The following INTS3 variants were observed in gnomAD, a reference collection of about 807,000 sequenced individuals.
INTS3 encodes SOSS complex subunit A.
INTS3 carries 34 observed loss-of-function variants against 146.3 expected under a neutral mutation model. That is an observed-to-expected ratio of 0.23 (90% CI 0.18 to 0.31). The LOEUF is 0.31. INTS3 is among the 10% of genes least tolerant of loss of function. The probability of loss-of-function intolerance (pLI) is 1.00; values close to 1 mark genes in which losing one functional copy is unlikely to be tolerated. For missense variants in INTS3, 757 were observed against 1,304.2 expected (o/e 0.58, Z 6.46); for synonymous variants, 475 against 494.9 (o/e 0.96, Z 0.53).
In INTS3 at chr1:153,746,891, C is replaced by T. The variant is rs1260939075; in HGVS notation, c.319-66C>T. The T allele has an allele frequency of 4.5e-6, 4 of 898,008 alleles. No individual in the cohort carries two copies. The Admixed American group carries it at 5.7e-5, about 13-fold the overall frequency. The allele number at this position is 898,008 out of a possible 1,614,324, so 55.6% of individuals were successfully genotyped here. ...TTAAGGGATTAGAGGGCAAGGGGTC[C>T]ACTGTGGGTGGGGTGAGGACCTTAT... On this transcript the variant is annotated intron_variant, in intron 3 of 29. Transcript: ENST00000318967.
chr1:153,770,663 A>G (rs990489441), intron 24 of INTS3, 22 bp from the exon 25 acceptor site: 5 of 1,608,524 alleles, frequency 3.1e-6, no homozygotes, highest in Non-Finnish European at 4.3e-6. Flanking sequence ...CCCCCTGAAC[A>G]GCCTCTGCCC....
chr1:153,760,197 C>T, intron 11 of INTS3, 114 bp from the exon 12 acceptor site: 3 of 701,038 alleles, frequency 4.3e-6, no homozygotes, highest in Non-Finnish European at 6.9e-6. Flanking sequence ...GTACCATTTG[C>T]ACTCCAGCCT....
At chr1:153,763,081 C>T (rs991295374) in intron 15 of INTS3, 152 bp from the exon 16 acceptor site, 4 of 1,101,170 alleles carry the variant, frequency 3.6e-6, no homozygotes, top group African/African-American at 3.1e-5. Flanking sequence ...AGTACATGTG[C>T]ACAGTCAGGG....
intron 20 of INTS3, among the ~76,000 whole-genome samples, chr1:153,766,105 TTTTC>T (rs1433714731): frequency 7.9e-5 from 12 of 151,178 alleles, no homozygotes; most frequent in African/African-American, 2.7e-4. Flanking sequence ...TGACTTGCTT[TTTTC>T]TTTCTCTTTT....
chr1:153,733,039 C>CGTACACCATGTTAGGCTG (rs1671140962), intron 1 of INTS3, among the ~76,000 whole-genome samples: 1 of 150,936 alleles, frequency 6.6e-6, no homozygotes, highest in Non-Finnish European at 1.5e-5. Context: ...CTCCTGACCT[C>CGTACACCATGTTAGGCTG]GTACACCATG....
At position 153,733,698 on chromosome 1, in the gene INTS3, G is replaced by A. The variant is rs1226197937; in HGVS notation, c.150+4914G>A. Among the ~76,000 whole-genome samples the A allele has an allele frequency of 4.0e-5, 6 of 151,616 alleles. No individual in the cohort carries two copies. The South Asian group carries it at 8.3e-4, about 21-fold the overall frequency. ...CAGCTCCCTGCAACCTTCGCCTCCC[G>A]GGTTCAAGCGATTCTCCTGCCTCAG... On this transcript the variant is annotated intron_variant, in intron 1 of 29. Coordinates refer to ENST00000318967, the MANE Select transcript of INTS3 (RefSeq NM_023015.5).
chr1:153,752,964 C>T (rs990383193), intron 8 of INTS3, among the ~76,000 whole-genome samples: 2 of 151,918 alleles, frequency 1.3e-5, no homozygotes, highest in African/African-American at 4.8e-5. Flanking sequence ...ATGTTCTGAA[C>T]AATAACTGTA....
chr1:153,772,660 T>G lies in INTS3; in HGVS notation c.2843T>G (p.Leu948Arg). 1 of 1,614,190 alleles carries G rather than the reference T, an allele frequency of 6.2e-7. No homozygotes were observed. Among genetic ancestry groups the G allele is most frequent in the Non-Finnish European group, 8.5e-7 (1 of 1,180,026 alleles). ...KQNFFSQTPILQALQHVQASC... is the reference protein window; with the variant it reads ...KQNFFSQTPIRQALQHVQASC... ...CTAGTTTTTAGCCAGACGCCAATTCTCCAGGCGCTGCAGCATGTCCAAGCG... is the reference window on the plus strand; with the variant it reads ...CTAGTTTTTAGCCAGACGCCAATTCGCCAGGCGCTGCAGCATGTCCAAGCG... The change falls in exon 28 of 30, where the codon CTC (leucine) becomes CGC (arginine). Residue 948 changes from leucine (L) to arginine (R), a missense_variant. Leu to Arg is a moderately radical substitution (Grantham distance 102). Transcript: ENST00000318967. This position sits in a 1 kb window ranked among gnomAD's most constrained non-coding sequence, Gnocchi z 4.6.
Position 153,770,251 on chromosome 1 carries a change from C to T in INTS3, c.2443C>T (p.Leu815=). ...GCAGTATTGTGCCTGGCAGCTCTTTCTGGCCCACAATATTCCCCTGGAGAC... is the reference window on the plus strand; with the variant it reads ...GCAGTATTGTGCCTGGCAGCTCTTTTTGGCCCACAATATTCCCCTGGAGAC... ...FEQYCAWQLF[L]AHNIPLETII... The change falls in exon 24 of 30, where the codon CTG becomes TTG. Residue 815 remains leucine (L), a synonymous_variant. Transcript: ENST00000318967. The T allele has an allele frequency of 6.2e-7, 1 of 1,613,748 alleles. No individual in the cohort carries two copies. Among genetic ancestry groups the T allele is most frequent in the Non-Finnish European group, 8.5e-7 (1 of 1,179,816 alleles).
intron 16 of INTS3, 74 bp from the exon 17 acceptor site, chr1:153,763,758 A>C: frequency 7.9e-7 from 1 of 1,266,458 alleles, no homozygotes; most frequent in Non-Finnish European, 1.1e-6. Flanking sequence ...GTGCTTGTGC[A>C]CTGTTCTGGG....
chr1:153,759,226 A>G (rs1672281462), intron 10 of INTS3, among the ~76,000 whole-genome samples: 1 of 151,420 alleles, frequency 6.6e-6, no homozygotes, highest in South Asian at 2.1e-4. Context: ...GTGAGCTGAG[A>G]TCATGCCACT....
At chr1:153,763,622 G>A (rs1173888995) in intron 16 of INTS3, among the ~76,000 whole-genome samples, 1 of 152,198 alleles carries the variant, frequency 6.6e-6, no homozygotes, top group Non-Finnish European at 1.5e-5. Context: ...ACCAAGGCAG[G>A]ATTGGTGGGG....
chr1:153,731,662 T>C (rs1240996869), intron 1 of INTS3, among the ~76,000 whole-genome samples: 7 of 142,324 alleles, frequency 4.9e-5, no homozygotes, highest in Non-Finnish European at 7.5e-5. Flanking sequence ...CTTGGCTCAC[T>C]GCAAGCTCTG....
At position 153,728,056 on chromosome 1, in the gene INTS3, C is replaced by T. The variant is rs1570821272; in HGVS notation, c.-579C>T. On this transcript the variant is annotated 5_prime_UTR_variant, in exon 1 of 30. Coordinates refer to ENST00000318967, the MANE Select transcript of INTS3 (RefSeq NM_023015.5). ...TCCCCCTCCCCCGCCCTCCGCCTTC[C>T]CACCCCCCGCCCTTCCACTATGGCC... 5 of 159,502 alleles carry T rather than the reference C, an allele frequency of 3.1e-5. No homozygotes were observed. The highest frequency in any genetic ancestry group is 3.3e-4 in the East Asian group (2 of 6,032). 9.9% of individuals were successfully genotyped at this position (159,502 alleles called of 1,614,324 possible).
chr1:153,769,054 GC>G, intron 22 of INTS3, 93 bp downstream of exon 22: 1 of 1,013,056 alleles, frequency 9.9e-7, no homozygotes, highest in Non-Finnish European at 1.5e-6. Context: ...CAGACAGGGA[GC>G]CCATGCCTCC....
intron 9 of INTS3, among the ~76,000 whole-genome samples, chr1:153,756,658 A>G (rs989199038): frequency 1.3e-5 from 2 of 151,966 alleles, no homozygotes; most frequent in African/African-American, 4.8e-5. Flanking sequence ...TCTACTAAAA[A>G]TACAAAAATC....
At chr1:153,763,741 T>G in intron 16 of INTS3, 91 bp from the exon 17 acceptor site, 1 of 1,098,132 alleles carries the variant, frequency 9.1e-7, no homozygotes, top group Non-Finnish European at 1.4e-6. Context: ...TCTCTGTGCA[T>G]GTGAGTGTGC....
At position 153,774,005 on chromosome 1, in the gene INTS3, T is replaced by C. The variant is rs1201834203; in HGVS notation, c.*735T>C. 6.0e-6 allele frequency: 1 copy of C among 165,826 alleles called. No individual in the cohort carries two copies. The highest frequency in any genetic ancestry group is 1.9e-4 in the East Asian group (1 of 5,196). The allele number at this position is 165,826 out of a possible 1,614,324, so 10.3% of individuals were successfully genotyped here. ...GAGTCTGTTTTTTTTTTTGTTTTTT[T>C]TTGTTTTTTTTTTGGCAGAGATAAT... On this transcript the variant is annotated 3_prime_UTR_variant, in exon 30 of 30. Coordinates refer to ENST00000318967, the MANE Select transcript of INTS3 (RefSeq NM_023015.5).
chr1:153,756,637 GAA>G, intron 9 of INTS3, among the ~76,000 whole-genome samples: 1 of 151,924 alleles, frequency 6.6e-6, no homozygotes, highest in South Asian at 2.1e-4. Context: ...CCAACATGGT[GAA>G]ACCCCGTCTC....
Sources: gnomAD v4.1 joint callset for allele counts (sites outside exome capture counted in the v4.1 genomes callset) on GRCh38, gnomAD v4.1.1 for gene constraint, Gnocchi (gnomAD v3.1) non-coding constraint, MANE v1.5 for transcripts, NCBI Gene and HGNC (gene_info 2026-07-23, HGNC 2026-07-21) for gene names.